The following IL1RAPL1 variants were observed in gnomAD, a reference collection of about 807,000 sequenced individuals.
IL1RAPL1 encodes interleukin 1 receptor accessory protein like 1.
A neutral mutation model predicts 48.4 loss-of-function variants in IL1RAPL1; 3 were observed. The ratio of observed to expected loss-of-function variants is 0.06; its 90% CI spans 0.03 to 0.16. The LOEUF is 0.16. Among genes scored for constraint, IL1RAPL1 ranks in the 10% least tolerant of loss-of-function variants. The pLI, the probability that IL1RAPL1 is intolerant of heterozygous loss-of-function variation, is 1.00. For missense variants in IL1RAPL1, 349 were observed against 530.6 expected (o/e 0.66, Z 3.36); for synonymous variants, 185 against 187.7 (o/e 0.99, Z 0.12).
chrX:29,425,865 G>A (rs777539224), intron 5 of IL1RAPL1, among the ~76,000 whole-genome samples: 3 of 111,243 alleles, frequency 2.7e-5, no homozygotes, highest in South Asian at 3.8e-4. Flanking sequence ...ATGAACCACC[G>A]TGCCTGGCCT....
At chrX:28,705,757 G>A (rs1171842537) in intron 1 of IL1RAPL1, among the ~76,000 whole-genome samples, 1 of 111,781 alleles carries the variant, frequency 8.9e-6, no homozygotes, top group African/African-American at 3.3e-5. Flanking sequence ...ACTGATGACT[G>A]TAGGCACATG....
intron 2 of IL1RAPL1, among the ~76,000 whole-genome samples, chrX:28,795,665 TC>T (rs933055504): frequency 9.1e-5 from 10 of 109,454 alleles, no homozygotes; most frequent in African/African-American, 3.3e-4. Flanking sequence ...GTATTAGTAT[TC>T]CAACTTATTA....
At chrX:28,735,424 A>AC (rs1555917773) in intron 1 of IL1RAPL1, among the ~76,000 whole-genome samples, 1 of 109,374 alleles carries the variant, frequency 9.1e-6, no homozygotes, top group African/African-American at 3.3e-5. Flanking sequence ...TCACGCTCCA[A>AC]TCTATAGAAT....
intron 6 of IL1RAPL1, among the ~76,000 whole-genome samples, chrX:29,778,611 A>G: frequency 2.7e-5 from 3 of 111,741 alleles, no homozygotes; most frequent in South Asian, 7.4e-4. Flanking sequence ...CTTTGCTCCA[A>G]TCCTCTGCCA....
intron 2 of IL1RAPL1, among the ~76,000 whole-genome samples, chrX:29,231,945 GTA>G (rs1931209449): frequency 8.9e-6 from 1 of 111,809 alleles, no homozygotes; most frequent in African/African-American, 3.3e-5. Context: ...ATTGGGCATA[GTA>G]TACTTTGAGT....
chrX:28,666,942 C>T (rs1015268629), intron 1 of IL1RAPL1, among the ~76,000 whole-genome samples: 3 of 111,896 alleles, frequency 2.7e-5, no homozygotes, highest in Non-Finnish European at 5.6e-5. Context: ...CCAGCAGTGG[C>T]TTTCTATTTG....
intron 1 of IL1RAPL1, among the ~76,000 whole-genome samples, chrX:28,693,845 G>A (rs1042048229): frequency 4.5e-5 from 5 of 111,421 alleles, no homozygotes; most frequent in African/African-American, 6.5e-5. Flanking sequence ...TACGGTGCCC[G>A]CCTGTTTTAC....
chrX:29,670,904 A>G (rs1420856062), intron 6 of IL1RAPL1, among the ~76,000 whole-genome samples: 1 of 111,720 alleles, frequency 9.0e-6, no homozygotes, highest in Non-Finnish European at 1.9e-5. Context: ...AAAACCTTCA[A>G]CAGAATTTTA....
chrX:29,111,235 AT>A (rs1457408263), intron 2 of IL1RAPL1, among the ~76,000 whole-genome samples: 1 of 111,597 alleles, frequency 9.0e-6, no homozygotes, highest in Non-Finnish European at 1.9e-5. Flanking sequence ...GCGCTTCTGA[AT>A]TTTGTATTTG....
chrX:29,141,580 T>C (rs1359911577), intron 2 of IL1RAPL1, among the ~76,000 whole-genome samples: 1 of 111,960 alleles, frequency 8.9e-6, no homozygotes, highest in Non-Finnish European at 1.9e-5. Flanking sequence ...AAATAAAATT[T>C]CAAAGGGGAA....
chrX:29,625,103 G>T (rs1924578507), intron 5 of IL1RAPL1, among the ~76,000 whole-genome samples: 1 of 111,554 alleles, frequency 9.0e-6, no homozygotes, highest in African/African-American at 3.3e-5. Context: ...GCGTGGCTTT[G>T]TTCCAATAAA....
chrX:29,922,557 T>C (rs1331692319), intron 8 of IL1RAPL1, among the ~76,000 whole-genome samples: 1 of 111,846 alleles, frequency 8.9e-6, no homozygotes, highest in Non-Finnish European at 1.9e-5. Context: ...TTCCTGCTCT[T>C]GAGGGACTCA....
chrX:28,603,850 T>A (rs1404327960), intron 1 of IL1RAPL1, among the ~76,000 whole-genome samples: 1 of 112,618 alleles, frequency 8.9e-6, no homozygotes, highest in Non-Finnish European at 1.9e-5. Flanking sequence ...ACTGGTATAG[T>A]AAAGTTAGCG....
At chrX:28,894,965 TG>T (rs1207640570) in intron 2 of IL1RAPL1, among the ~76,000 whole-genome samples, 1 of 110,643 alleles carries the variant, frequency 9.0e-6, no homozygotes, top group Non-Finnish European at 1.9e-5. Context: ...ACTGAAGTAA[TG>T]GGGGCTGTCT....
intron 3 of IL1RAPL1, among the ~76,000 whole-genome samples, chrX:29,344,400 A>G (rs1933122681): frequency 8.9e-6 from 1 of 112,177 alleles, no homozygotes; most frequent in African/African-American, 3.2e-5. Flanking sequence ...ATGTTCACAG[A>G]AAAGGGAAAT....
At chrX:29,718,493 A>T (rs1480653469) in intron 6 of IL1RAPL1, among the ~76,000 whole-genome samples, 2 of 108,180 alleles carry the variant, frequency 1.8e-5, no homozygotes, top group African/African-American at 3.4e-5. Context: ...CATTAGGAGA[A>T]ATACCTAATG....
intron 2 of IL1RAPL1, among the ~76,000 whole-genome samples, chrX:29,172,398 G>A (rs1215524872): frequency 9.0e-6 from 1 of 111,363 alleles, no homozygotes; most frequent in Non-Finnish European, 1.9e-5. Context: ...TCAGGAGTTG[G>A]AGCCCAGCAA....
At chrX:29,447,248 G>T (rs1043202543) in intron 5 of IL1RAPL1, among the ~76,000 whole-genome samples, 12 of 109,913 alleles carry the variant, frequency 1.1e-4, no homozygotes, top group African/African-American at 4.0e-4. Flanking sequence ...TTTGAAAATA[G>T]AATTTCCAGT....
chrX:28,891,327 T>A (rs1922765641), intron 2 of IL1RAPL1, among the ~76,000 whole-genome samples: 1 of 112,057 alleles, frequency 8.9e-6, no homozygotes, highest in African/African-American at 3.2e-5. Context: ...TAATATATAA[T>A]TCACAAACCA....
Sources: gnomAD v4.1 joint callset for allele counts (sites outside exome capture counted in the v4.1 genomes callset) on GRCh38, gnomAD v4.1.1 for gene constraint, MANE v1.5 for transcripts, NCBI Gene and HGNC (gene_info 2026-07-23, HGNC 2026-07-21) for gene names.